CLEC16A: variants seen among roughly 807,000 people sequenced by gnomAD.
The protein encoded by CLEC16A is C-type lectin domain containing 16A.
Under a neutral mutation model 109.5 loss-of-function variants are expected in CLEC16A, and 51 were observed. That is an observed-to-expected ratio of 0.47 (90% confidence interval 0.37 to 0.59). CLEC16A has a LOEUF of 0.59. Ranked by LOEUF, CLEC16A falls within the 20% of genes least tolerant of loss-of-function variation. The pLI is 0.00. For missense variants in CLEC16A, 1,339 were observed against 1,394.0 expected (o/e 0.96, Z 0.63); for synonymous variants, 673 against 564.2 (o/e 1.19, Z -2.73).
intron 14 of CLEC16A, chr16:11,041,011 C>T (rs528260575): frequency 6.6e-6 from 1 of 152,316 alleles, no homozygotes; most frequent in South Asian, 2.1e-4. Flanking sequence ...CACAGTGGGA[C>T]CTTTCACCAG....
intron 1 of CLEC16A, among the ~76,000 whole-genome samples, chr16:10,952,836 TA>T (rs1284554598): frequency 2.0e-5 from 3 of 152,146 alleles, no homozygotes; most frequent in African/African-American, 7.2e-5. Flanking sequence ...TACAATAGCA[TA>T]AAAAAATGTC....
At chr16:10,953,639 A>C (rs994567968) in intron 1 of CLEC16A, among the ~76,000 whole-genome samples, 4 of 152,238 alleles carry the variant, frequency 2.6e-5, no homozygotes, top group Non-Finnish European at 4.4e-5. Context: ...GTTTGTGGTC[A>C]GAGTATATAA....
intron 17 of CLEC16A, 66 bp from the exon 18 acceptor site, chr16:11,051,447 C>A (rs878988960): frequency 6.5e-7 from 1 of 1,548,674 alleles, no homozygotes; most frequent in Non-Finnish European, 8.9e-7. Context: ...TGTGCAACCT[C>A]CCCCGGCCCC....
At chr16:11,052,505 G>T (rs546199747) in intron 18 of CLEC16A, among the ~76,000 whole-genome samples, 1 of 152,154 alleles carries the variant, frequency 6.6e-6, no homozygotes, top group Non-Finnish European at 1.5e-5. Context: ...GGAAGCCTGG[G>T]GGTGCAGAGG....
chr16:11,173,976 G>A (rs745500989), intron 23 of CLEC16A, among the ~76,000 whole-genome samples: 4 of 152,134 alleles, frequency 2.6e-5, no homozygotes, highest in Admixed American at 6.5e-5. Context: ...TGTCTTCTCT[G>A]CATGGGGGGC....
At position 11,042,240 on chromosome 16, in the gene CLEC16A, G is replaced by A. The variant is rs547092203; in HGVS notation, c.1661-14G>A. 19 of 1,563,164 alleles carry A rather than the reference G, an allele frequency of 1.2e-5. No homozygotes were observed. Among genetic ancestry groups the A allele is most frequent in the Non-Finnish European group, 1.6e-5 (19 of 1,153,060 alleles). ...ACCCTGGGTGTGCAAGGCTTACCCT[G>A]GTGTGCTCTGCAGATGGGAAGATCC... On this transcript the variant is annotated splice_polypyrimidine_tract_variant and intron_variant, in intron 14 of 23. Coordinates refer to ENST00000409790, the MANE Select transcript of CLEC16A (RefSeq NM_015226.3).
At chr16:11,111,392 A>C (rs942598957) in intron 19 of CLEC16A, among the ~76,000 whole-genome samples, 1 of 152,114 alleles carries the variant, frequency 6.6e-6, no homozygotes, top group African/African-American at 2.4e-5. Flanking sequence ...GCTTCCTCAC[A>C]ACATGGTGGA....
chr16:11,076,145 A>G (rs930206832), intron 19 of CLEC16A, among the ~76,000 whole-genome samples: 2 of 152,082 alleles, frequency 1.3e-5, no homozygotes, highest in African/African-American at 4.8e-5. Context: ...AGCCAGTAGA[A>G]TCCTTTTAAA....
At chr16:11,110,979 A>G (rs2051547433) in intron 19 of CLEC16A, among the ~76,000 whole-genome samples, 1 of 152,050 alleles carries the variant, frequency 6.6e-6, no homozygotes, top group African/African-American at 2.4e-5. Flanking sequence ...TTGTGTTGGG[A>G]AATGGTTGTG....
intron 3 of CLEC16A, among the ~76,000 whole-genome samples, chr16:10,965,295 G>A (rs994409720): frequency 6.6e-6 from 1 of 152,230 alleles, no homozygotes; most frequent in African/African-American, 2.4e-5. Context: ...TTTGTAAGGG[G>A]TGAGGAGGAT....
At chr16:11,089,051 G>T (rs1396661991) in intron 19 of CLEC16A, among the ~76,000 whole-genome samples, 2 of 152,138 alleles carry the variant, frequency 1.3e-5, no homozygotes, top group East Asian at 1.9e-4. Context: ...TCAGGGGAGG[G>T]GGAGGGTGTC....
intron 11 of CLEC16A, among the ~76,000 whole-genome samples, chr16:11,015,310 C>T (rs745540687): frequency 6.6e-5 from 10 of 150,404 alleles, no homozygotes; most frequent in African/African-American, 1.5e-4. Flanking sequence ...TCTGGTTCTG[C>T]GTCAAGATGT....
At chr16:11,044,321 C>A in intron 16 of CLEC16A, 1 of 336,286 alleles carries the variant, frequency 3.0e-6, no homozygotes, top group Non-Finnish European at 5.3e-6. Flanking sequence ...CTCAGTAATA[C>A]ATGGATTTGG....
At chr16:11,049,950 A>G (rs994955190) in intron 17 of CLEC16A, among the ~76,000 whole-genome samples, 1 of 152,268 alleles carries the variant, frequency 6.6e-6, no homozygotes, top group African/African-American at 2.4e-5. Flanking sequence ...GGCAAGCAGC[A>G]TGCACCAAGT....
chr16:11,024,623 C>T (rs1023779323), intron 12 of CLEC16A, 198 bp from the exon 13 acceptor site: 24 of 509,008 alleles, frequency 4.7e-5, no homozygotes, highest in African/African-American at 4.2e-4. Context: ...GGTCAGGTTC[C>T]CCTCTGGATA....
intron 22 of CLEC16A, among the ~76,000 whole-genome samples, chr16:11,162,270 GT>G (rs149055231): frequency 0.013 from 1,945 of 152,320 alleles, 48 homozygotes; most frequent in African/African-American, 0.045. Context: ...CATGGGCATA[GT>G]TTCCCCCCAC....
rs2042257361 is a variant in CLEC16A at position 10,961,780 on chromosome 16, G to A, written c.210-675G>A. On this transcript the variant is annotated intron_variant, in intron 2 of 23. Coordinates refer to ENST00000409790, the MANE Select transcript of CLEC16A (RefSeq NM_015226.3). The surrounding 1 kb of genome is among the most constrained non-coding windows in gnomAD (Gnocchi z 4.3). Reference sequence around the variant, plus strand: ...TTGTCATATCTCCCCAGCCTCCTCTGTTCCGTGACTCTTTTTTAGTCTTCT... The same window carrying A: ...TTGTCATATCTCCCCAGCCTCCTCTATTCCGTGACTCTTTTTTAGTCTTCT... 6.6e-6 allele frequency among the ~76,000 whole-genome samples: 1 copy of A among 152,116 alleles called. No homozygotes were observed. The highest frequency in any genetic ancestry group is 1.5e-5 in the Non-Finnish European group (1 of 68,032).
intron 17 of CLEC16A, among the ~76,000 whole-genome samples, chr16:11,049,251 C>G (rs1302858159): frequency 6.6e-6 from 1 of 152,102 alleles, no homozygotes; most frequent in Non-Finnish European, 1.5e-5. Context: ...CGTGATCCGC[C>G]CGCCTTGGCC....
At chr16:11,137,577 A>C (rs1246902740) in intron 22 of CLEC16A, among the ~76,000 whole-genome samples, 3 of 140,318 alleles carry the variant, frequency 2.1e-5, no homozygotes, top group African/African-American at 7.9e-5. Flanking sequence ...TGACAGAGCG[A>C]GACTCCATCT....
Sources: gnomAD v4.1 joint callset for allele counts (sites outside exome capture counted in the v4.1 genomes callset) on GRCh38, gnomAD v4.1.1 for gene constraint, Gnocchi (gnomAD v3.1) non-coding constraint, MANE v1.5 for transcripts, NCBI Gene and HGNC (gene_info 2026-07-23, HGNC 2026-07-21) for gene names.